XYLT1: variants seen among roughly 807,000 people sequenced by gnomAD.
XYLT1 encodes the protein beta-D-xylosyltransferase 1.
Under a neutral mutation model 91.3 loss-of-function variants are expected in XYLT1, and 36 were observed. That is an observed-to-expected ratio of 0.39 (90% CI 0.30 to 0.52). The LOEUF (loss-of-function observed/expected upper bound fraction) is 0.52, where lower values mean the gene tolerates loss of function less well. Among genes scored for constraint, XYLT1 ranks in the 20% least tolerant of loss-of-function variants. The probability of loss-of-function intolerance (pLI) is 0.68; values close to 1 mark genes in which losing one functional copy is unlikely to be tolerated. For synonymous variants in XYLT1, 588 were observed against 532.0 expected, an observed-to-expected ratio of 1.11 and a Z score of -1.45; for missense variants, 1,242 against 1,284.5, an observed-to-expected ratio of 0.97 and a Z score of 0.51.
At chr16:17,233,748 G>A (rs1010182924) in intron 3 of XYLT1, among the ~76,000 whole-genome samples, 2 of 152,222 alleles carry the variant, frequency 1.3e-5, no homozygotes, top group Non-Finnish European at 2.9e-5. Flanking sequence ...AGGGAGCCTG[G>A]GGCTTTACAC....
At chr16:17,368,240 C>G (rs949758007) in intron 1 of XYLT1, among the ~76,000 whole-genome samples, 1 of 152,104 alleles carries the variant, frequency 6.6e-6, no homozygotes, top group African/African-American at 2.4e-5. Flanking sequence ...AGAAGAGAGA[C>G]GATGAGAACA....
intron 1 of XYLT1, among the ~76,000 whole-genome samples, chr16:17,386,277 A>G (rs1369350642): frequency 6.6e-6 from 1 of 152,186 alleles, no homozygotes; most frequent in Non-Finnish European, 1.5e-5. Context: ...TCCATCTTCC[A>G]GTTCTGAATC....
chr16:17,136,082 T>G (rs1281597490), intron 8 of XYLT1, among the ~76,000 whole-genome samples: 1 of 152,192 alleles, frequency 6.6e-6, no homozygotes, highest in Non-Finnish European at 1.5e-5. Flanking sequence ...GGTGGTAGAT[T>G]AATAGCAGCA....
chr16:17,275,328 A>AT (rs1484512183), intron 2 of XYLT1, among the ~76,000 whole-genome samples: 1 of 152,188 alleles, frequency 6.6e-6, no homozygotes, highest in Non-Finnish European at 1.5e-5. Context: ...ATAAACTTAC[A>AT]TTGTTACTCC....
At chr16:17,270,269 A>C (rs549595502) in intron 2 of XYLT1, among the ~76,000 whole-genome samples, 31 of 152,230 alleles carry the variant, frequency 2.0e-4, no homozygotes, top group Non-Finnish European at 3.8e-4. Flanking sequence ...ACGCAGCCCA[A>C]GGCCACCTAG....
chr16:17,387,809 G>T (rs1200474353), intron 1 of XYLT1, among the ~76,000 whole-genome samples: 2 of 152,140 alleles, frequency 1.3e-5, no homozygotes, highest in Admixed American at 6.5e-5. Context: ...GCTCAACATT[G>T]GCATGCCTAT....
chr16:17,114,130 C>A (rs1228221560), intron 11 of XYLT1, among the ~76,000 whole-genome samples: 1 of 152,276 alleles, frequency 6.6e-6, no homozygotes, highest in Admixed American at 6.5e-5. Context: ...GAAGCTCCTG[C>A]ACTCAGGACT....
intron 3 of XYLT1, among the ~76,000 whole-genome samples, chr16:17,241,651 T>C (rs1308765494): frequency 3.3e-5 from 5 of 152,182 alleles, no homozygotes; most frequent in Non-Finnish European, 7.3e-5. Flanking sequence ...AGCATTGACG[T>C]TGGAACTGAT....
chr16:17,347,832 A>G (rs538901380), intron 2 of XYLT1, among the ~76,000 whole-genome samples: 1 of 152,324 alleles, frequency 6.6e-6, no homozygotes, highest in South Asian at 2.1e-4. Flanking sequence ...CTAACAAGGG[A>G]GGTGCTATGC....
intron 3 of XYLT1, among the ~76,000 whole-genome samples, chr16:17,203,192 T>TA (rs1440806116): frequency 2.0e-5 from 3 of 152,236 alleles, no homozygotes; most frequent in Non-Finnish European, 4.4e-5. Context: ...CAATTGCTTT[T>TA]AGTTGCTTGT....
intron 2 of XYLT1, among the ~76,000 whole-genome samples, chr16:17,300,329 C>T (rs561899521): frequency 1.3e-5 from 2 of 151,686 alleles, no homozygotes; most frequent in South Asian, 2.1e-4. Context: ...ATTGCTATGG[C>T]GAGTTTTTAA....
At chr16:17,233,954 G>A (rs2033207253) in intron 3 of XYLT1, among the ~76,000 whole-genome samples, 1 of 152,158 alleles carries the variant, frequency 6.6e-6, no homozygotes, top group Non-Finnish European at 1.5e-5. Context: ...ATTTTGCGTA[G>A]CTGGGTGATT....
chr16:17,297,280 T>C (rs2034325304), intron 2 of XYLT1, among the ~76,000 whole-genome samples: 1 of 152,148 alleles, frequency 6.6e-6, no homozygotes, highest in Non-Finnish European at 1.5e-5. Context: ...TTATAATATA[T>C]ATCAGCACGG....
intron 10 of XYLT1, among the ~76,000 whole-genome samples, chr16:17,118,882 C>T (rs2029950296): frequency 6.6e-6 from 1 of 152,092 alleles, no homozygotes; most frequent in African/African-American, 2.4e-5. Context: ...AGCTTTCCTG[C>T]ACCATCTGCC....
intron 5 of XYLT1, chr16:17,194,177 G>T (rs567659677): frequency 6.6e-6 from 1 of 152,232 alleles, no homozygotes; most frequent in South Asian, 2.1e-4. Flanking sequence ...CCAAGTGTCC[G>T]GCAGGCTGCT....
intron 5 of XYLT1, among the ~76,000 whole-genome samples, chr16:17,166,585 T>A (rs1490487385): frequency 6.6e-6 from 1 of 152,000 alleles, no homozygotes; most frequent in Non-Finnish European, 1.5e-5. Context: ...GATCTCCGCT[T>A]ACAGTAACCT....
intron 3 of XYLT1, among the ~76,000 whole-genome samples, chr16:17,234,677 C>A (rs1463864883): frequency 1.4e-5 from 2 of 141,146 alleles, no homozygotes; most frequent in African/African-American, 2.8e-5. Flanking sequence ...GGGAATCCAG[C>A]AAACTGAGCC....
chr16:17,255,332 A>G (rs558962682), intron 3 of XYLT1, among the ~76,000 whole-genome samples: 23 of 152,262 alleles, frequency 1.5e-4, no homozygotes, highest in African/African-American at 5.5e-4. Flanking sequence ...TAATGGGAAC[A>G]TAGCGCATTT....
chr16:17,164,943 G>A (rs1204699666), intron 5 of XYLT1, among the ~76,000 whole-genome samples: 1 of 152,146 alleles, frequency 6.6e-6, no homozygotes, highest in African/African-American at 2.4e-5. Context: ...AAGATGAGCT[G>A]GTGACCCCAG....
Sources: gnomAD v4.1 joint callset for allele counts (sites outside exome capture counted in the v4.1 genomes callset) on GRCh38, gnomAD v4.1.1 for gene constraint, MANE v1.5 for transcripts, NCBI Gene and HGNC (gene_info 2026-07-23, HGNC 2026-07-21) for gene names.